TCEA1: variants seen among roughly 807,000 people sequenced by gnomAD.
TCEA1 encodes the protein transcription elongation factor A protein 1.
A neutral mutation model predicts 43.8 loss-of-function variants in TCEA1; 21 were observed. That is an observed-to-expected ratio of 0.48 (90% CI 0.34 to 0.69). TCEA1 has a LOEUF of 0.69. TCEA1 is among the 30% of genes least tolerant of loss of function. TCEA1 has a pLI of 0.01. For missense variants in TCEA1, 250 were observed against 365.1 expected, an observed-to-expected ratio of 0.68 and a Z score of 2.57; for synonymous variants, 104 against 117.5, an observed-to-expected ratio of 0.88 and a Z score of 0.75.
At chr8:54,010,330 C>T (rs1804612210) in intron 2 of TCEA1, 100 bp downstream of exon 2, 1 of 885,884 alleles carries the variant, frequency 1.1e-6, no homozygotes, top group African/African-American at 1.7e-5. Flanking sequence ...ATGGTTTACA[C>T]CATTATCAAG....
At chr8:53,986,177 C>T (rs1183891531) in intron 6 of TCEA1, among the ~76,000 whole-genome samples, 1 of 152,194 alleles carries the variant, frequency 6.6e-6, no homozygotes, top group East Asian at 1.9e-4. Context: ...AGATGTCACT[C>T]CTCAGCAGTA....
intron 8 of TCEA1, among the ~76,000 whole-genome samples, chr8:53,977,063 T>C (rs933788435): frequency 6.6e-6 from 1 of 152,236 alleles, no homozygotes; most frequent in Non-Finnish European, 1.5e-5. Flanking sequence ...CTCACGCCTG[T>C]AATCCCAGCA....
intron 3 of TCEA1, among the ~76,000 whole-genome samples, chr8:53,994,531 T>C (rs1803985063): frequency 6.6e-6 from 1 of 152,072 alleles, no homozygotes; most frequent in Admixed American, 6.5e-5. Flanking sequence ...ACCTTCTCTA[T>C]CTTAAATGAA....
At chr8:54,003,348 G>A (rs1804332219) in intron 2 of TCEA1, among the ~76,000 whole-genome samples, 1 of 152,160 alleles carries the variant, frequency 6.6e-6, no homozygotes, top group South Asian at 2.1e-4. Context: ...TGCCTTTAGT[G>A]TAGAAATTGA....
chr8:54,020,805 T>C (rs1804998062), intron 1 of TCEA1, among the ~76,000 whole-genome samples: 1 of 152,188 alleles, frequency 6.6e-6, no homozygotes, highest in South Asian at 2.1e-4. Context: ...ATTTACTTCA[T>C]AGATGGAAGA....
intron 5 of TCEA1, 44 bp downstream of exon 5, chr8:53,988,070 G>T: frequency 6.3e-7 from 1 of 1,592,732 alleles, no homozygotes. Context: ...CAGTGGTTGT[G>T]GGTGGTGACC....
chr8:54,002,285 C>T (rs1032060113), intron 2 of TCEA1, among the ~76,000 whole-genome samples: 8 of 150,312 alleles, frequency 5.3e-5, no homozygotes, highest in Admixed American at 2.7e-4. Flanking sequence ...TCCTGGCTGA[C>T]ACGGTGAAAC....
At position 53,999,224 on chromosome 8, in the gene TCEA1, CAAAA is replaced by C. The variant is rs57357613; in HGVS notation, c.232+717_232+720del. Among the ~76,000 whole-genome samples the C allele has an allele frequency of 8.6e-3, 552 of 64,526 alleles. 2 individuals are homozygous for C. The highest frequency in any genetic ancestry group is 0.026 in the African/African-American group (494 of 18,998). The allele number at this position is 64,526 out of a possible 152,430, so 42.3% of individuals were successfully genotyped here. ...TGGGCAACAGAGTGAGACTCAGTCT[CAAAA>C]AAAAAAAAAAAAAAAAAAGAAAGAA... On this transcript the variant is annotated intron_variant, in intron 3 of 9. Coordinates refer to ENST00000521604, the MANE Select transcript of TCEA1 (RefSeq NM_006756.4).
At chr8:53,984,950 AAAC>A (rs961339936) in intron 6 of TCEA1, among the ~76,000 whole-genome samples, 49 of 152,290 alleles carry the variant, frequency 3.2e-4, no homozygotes, top group African/African-American at 1.1e-3. Flanking sequence ...AGTATGTTAA[AAAC>A]AAGGTACTAT....
chr8:53,994,645 G>C (rs1586014180), intron 3 of TCEA1, among the ~76,000 whole-genome samples: 1 of 152,006 alleles, frequency 6.6e-6, no homozygotes, highest in African/African-American at 2.4e-5. Context: ...ACGGCGGGCA[G>C]ATCACGAGGT....
chr8:54,008,172 CAAAA>C (rs777634895), intron 2 of TCEA1, among the ~76,000 whole-genome samples: 1 of 42,334 alleles, frequency 2.4e-5, no homozygotes, highest in African/African-American at 1.0e-4. Context: ...AACTGTGTCT[CAAAA>C]AAAAAAAAAA....
chr8:54,004,782 T>TA (rs11443905), intron 2 of TCEA1, among the ~76,000 whole-genome samples: 19,526 of 138,546 alleles, frequency 0.14, 3,294 homozygotes, highest in African/African-American at 0.41. Context: ...TAATACTGTT[T>TA]AAAAAAAAAA....
intron 3 of TCEA1, among the ~76,000 whole-genome samples, chr8:53,998,052 C>T (rs558662580): frequency 1.5e-4 from 23 of 152,254 alleles, no homozygotes; most frequent in African/African-American, 5.5e-4. Context: ...TATAACATAT[C>T]CAAGTTCTAT....
chr8:53,998,915 A>T (rs1804155839), intron 3 of TCEA1, among the ~76,000 whole-genome samples: 1 of 152,190 alleles, frequency 6.6e-6, no homozygotes, highest in South Asian at 2.1e-4. Context: ...AAAGCTTAAG[A>T]ATGATTTCAA....
At chr8:54,007,222 T>C (rs1301886101) in intron 2 of TCEA1, among the ~76,000 whole-genome samples, 1 of 152,132 alleles carries the variant, frequency 6.6e-6, no homozygotes, top group East Asian at 1.9e-4. Flanking sequence ...CTTCTCAGAA[T>C]CCGTTAAAAA....
At chr8:53,981,933 T>TTTTG (rs1803521488) in intron 7 of TCEA1, among the ~76,000 whole-genome samples, 1 of 150,234 alleles carries the variant, frequency 6.7e-6, no homozygotes, top group African/African-American at 2.4e-5. Context: ...TTTTCTTTTT[T>TTTTG]TTTTTTTTTT....
intron 8 of TCEA1, among the ~76,000 whole-genome samples, chr8:53,977,120 C>A (rs1474704186): frequency 6.6e-6 from 1 of 152,122 alleles, no homozygotes; most frequent in Non-Finnish European, 1.5e-5. Flanking sequence ...GAGATCGAGA[C>A]CACCCTGGCT....
intron 9 of TCEA1, among the ~76,000 whole-genome samples, chr8:53,968,458 T>A (rs760463753): frequency 8.5e-5 from 13 of 152,160 alleles, no homozygotes; most frequent in Non-Finnish European, 1.3e-4. Flanking sequence ...AATTGAACTT[T>A]CTTAAATTCA....
intron 2 of TCEA1, among the ~76,000 whole-genome samples, chr8:54,007,432 C>T (rs975896226): frequency 1.3e-5 from 2 of 152,128 alleles, no homozygotes; most frequent in African/African-American, 4.8e-5. Context: ...CCTCTAGCCT[C>T]GATCTCCCAA....
Sources: allele counts gnomAD v4.1 joint callset (sites outside exome capture counted in the v4.1 genomes callset), GRCh38; gene constraint gnomAD v4.1.1; transcripts MANE v1.5; gene names NCBI Gene and HGNC (gene_info 2026-07-23, HGNC 2026-07-21).